Variants in SPTSSA observed in about 807,000 individuals in gnomAD.
SPTSSA encodes serine palmitoyltransferase small subunit A, also known as small subunit of serine palmitoyltransferase A.
In SPTSSA, 8 loss-of-function variants were observed where a neutral mutation model predicts 9.1. The ratio of observed to expected loss-of-function variants is 0.88; its 90% CI spans 0.51 to 1.58. The LOEUF (loss-of-function observed/expected upper bound fraction) is 1.58. SPTSSA is among the 40% of genes most tolerant of loss of function. The pLI is 0.00. For synonymous variants in SPTSSA, 42 were observed against 37.7 expected (o/e 1.11, Z -0.41); for missense variants, 100 against 93.8 (o/e 1.07, Z -0.27).
At chr14:34,452,673 G>T (rs1883550016) in intron 1 of SPTSSA, among the ~76,000 whole-genome samples, 1 of 152,116 alleles carries the variant, frequency 6.6e-6, no homozygotes, top group Non-Finnish European at 1.5e-5. Context: ...AGACACTAAG[G>T]TTATAGTGTC....
At chr14:34,437,964 CT>C (rs1256800874) in intron 1 of SPTSSA, among the ~76,000 whole-genome samples, 1 of 152,018 alleles carries the variant, frequency 6.6e-6, no homozygotes, top group Admixed American at 6.6e-5. Context: ...CCACGCCCAG[CT>C]GATTTCTTTA....
At chr14:34,460,079 AT>A (rs1403669183) in intron 1 of SPTSSA, among the ~76,000 whole-genome samples, 1 of 152,178 alleles carries the variant, frequency 6.6e-6, no homozygotes, top group Non-Finnish European at 1.5e-5. Flanking sequence ...CAGTTTTCTC[AT>A]TCAGTTCTTT....
Position 34,462,195 on chromosome 14 carries a change from C to A in SPTSSA, c.13G>T (p.Ala5Ser), listed in dbSNP as rs1444589320. Residue 5 changes from alanine (A) to serine (S), a missense_variant, in exon 1 of 2, where the codon GCG becomes TCG. Ala to Ser is a moderately conservative substitution (Grantham distance 99). Transcript: ENST00000298130. The part of the protein sequence containing the change: MAGM[A>S]LARAWKQMSW... ...ATCTGCTTCCAGGCCCGCGCCAGCGCCATCCCCGCCATGCGCCTCCCGCGA... is the reference window on the plus strand; with the variant it reads ...ATCTGCTTCCAGGCCCGCGCCAGCGACATCCCCGCCATGCGCCTCCCGCGA... 6.5e-7 allele frequency: 1 copy of A among 1,531,192 alleles called. No individual in the cohort carries two copies. The highest frequency in any genetic ancestry group is 1.9e-5 in the Admixed American group (1 of 53,088). The allele number at this position is 1,531,192 out of a possible 1,614,324, so 94.9% of individuals were successfully genotyped here. A position where few individuals can be genotyped will look rare whatever the true frequency, so the allele number is the denominator to read the frequency against.
intron 1 of SPTSSA, among the ~76,000 whole-genome samples, chr14:34,440,607 C>T (rs756844468): frequency 1.3e-5 from 2 of 152,136 alleles, no homozygotes; most frequent in East Asian, 1.9e-4. Context: ...CTTGGCTGGG[C>T]GCGGTGGCTT....
Position 34,434,968 on chromosome 14 carries a change from A to T in SPTSSA, c.*233T>A, listed in dbSNP as rs1883215505. ...AAATACTGATATCAAAGTACAAATG[A>T]CTACAATGTTAAAATAGACAAAAAC... On this transcript the variant is annotated 3_prime_UTR_variant, in exon 2 of 2. Transcript: ENST00000298130. 1 of 307,844 alleles carries T rather than the reference A, an allele frequency of 3.2e-6. No homozygotes were observed. Among genetic ancestry groups the T allele is most frequent in the African/African-American group, 2.1e-5 (1 of 46,544 alleles). The allele number at this position is 307,844 out of a possible 1,614,324, so 19.1% of individuals were successfully genotyped here.
intron 1 of SPTSSA, among the ~76,000 whole-genome samples, chr14:34,459,779 T>TCACACACACACACA (rs112310300): frequency 6.6e-6 from 1 of 151,624 alleles, no homozygotes; most frequent in African/African-American, 2.4e-5. Context: ...AAACACTGTC[T>TCACACACACACACA]CACACACACA....
chr14:34,458,628 C>G (rs575708119), intron 1 of SPTSSA, among the ~76,000 whole-genome samples: 2 of 142,028 alleles, frequency 1.4e-5, no homozygotes, highest in African/African-American at 5.3e-5. Flanking sequence ...TCCCGAGTAG[C>G]TGGGACTACA....
chr14:34,435,135 T>A lies in SPTSSA; in HGVS notation c.*66A>T, dbSNP rs1385724324. 5.6e-6 allele frequency: 7 copies of A among 1,254,708 alleles called. No homozygotes were observed. Among genetic ancestry groups the A allele is most frequent in the Non-Finnish European group, 8.1e-6 (7 of 869,428 alleles). 77.7% of individuals were successfully genotyped at this position (1,254,708 alleles called of 1,614,324 possible). ...TAGAAGAGTTTCTTATCACATCTGA[T>A]GGTCTCATTCCAACTTCGTAGGGTG... On this transcript the variant is annotated 3_prime_UTR_variant, in exon 2 of 2. Transcript: ENST00000298130.
intron 1 of SPTSSA, among the ~76,000 whole-genome samples, chr14:34,443,887 T>C (rs1349219344): frequency 6.6e-6 from 1 of 152,188 alleles, no homozygotes; most frequent in African/African-American, 2.4e-5. Context: ...TCTCTCTGCC[T>C]AATTTCTCCA....
intron 1 of SPTSSA, among the ~76,000 whole-genome samples, chr14:34,446,248 T>C (rs1048380828): frequency 1.3e-5 from 2 of 152,234 alleles, no homozygotes; most frequent in Non-Finnish European, 2.9e-5. Context: ...CTTCTGGAAC[T>C]GCATCCATTG....
At chr14:34,438,057 C>T (rs1883266027) in intron 1 of SPTSSA, among the ~76,000 whole-genome samples, 1 of 152,128 alleles carries the variant, frequency 6.6e-6, no homozygotes, top group Non-Finnish European at 1.5e-5. Context: ...CCCACCTCAG[C>T]CCCCCAAAGT....
intron 1 of SPTSSA, among the ~76,000 whole-genome samples, chr14:34,442,621 T>C (rs1281822591): frequency 6.6e-6 from 1 of 152,204 alleles, no homozygotes; most frequent in Non-Finnish European, 1.5e-5. Flanking sequence ...GGCCCCAACA[T>C]TGTTTGGAAT....
At chr14:34,462,029 G>A in intron 1 of SPTSSA, 67 bp downstream of exon 1, 1 of 1,137,602 alleles carries the variant, frequency 8.8e-7, no homozygotes, top group Non-Finnish European at 1.1e-6. Context: ...CCCGGGGCCT[G>A]GGGAAATGCG....
intron 1 of SPTSSA, among the ~76,000 whole-genome samples, chr14:34,451,586 G>A (rs1030287025): frequency 3.9e-5 from 6 of 151,960 alleles, no homozygotes; most frequent in African/African-American, 1.5e-4. Flanking sequence ...AGCCGGGCGC[G>A]GTGGCGGGCG....
chr14:34,435,002 A>AAG lies in SPTSSA; in HGVS notation c.*197_*198dup. ...TTAAAATAGACAAAAACTGCTATAC[A>AAG]AGAGCCTCTTTGAAAATTAAAAATA... is the stretch of plus-strand genomic sequence containing the variant. On this transcript the variant is annotated 3_prime_UTR_variant, in exon 2 of 2. Transcript: ENST00000298130. 2.5e-6 allele frequency: 1 copy of AAG among 403,228 alleles called. No individual in the cohort carries two copies. The highest frequency in any genetic ancestry group is 4.5e-6 in the Non-Finnish European group (1 of 223,716). 25.0% of individuals were successfully genotyped at this position (403,228 alleles called of 1,614,324 possible).
At chr14:34,455,786 C>T (rs752034969) in intron 1 of SPTSSA, among the ~76,000 whole-genome samples, 3 of 151,252 alleles carry the variant, frequency 2.0e-5, no homozygotes, top group Admixed American at 6.6e-5. Flanking sequence ...ACAAAAATTA[C>T]CTGGGCATGG....
intron 1 of SPTSSA, among the ~76,000 whole-genome samples, chr14:34,444,989 G>A (rs911281965): frequency 2.6e-5 from 4 of 151,922 alleles, no homozygotes; most frequent in Admixed American, 6.6e-5. Context: ...CTACTTGGGA[G>A]GCTGAGGCAT....
Position 34,433,397 on chromosome 14 carries a change from G to A in SPTSSA, c.*1804C>T, listed in dbSNP as rs753486744. ...CACTTGTTAGTGGTTCTCTATGGGG[G>A]ATAGTAGAGGAAAGCCAAATTTGGG... On this transcript the variant is annotated 3_prime_UTR_variant, in exon 2 of 2. Coordinates refer to ENST00000298130, the MANE Select transcript of SPTSSA (RefSeq NM_138288.4). 4 of 152,124 alleles carry A rather than the reference G, an allele frequency of 2.6e-5. No homozygotes were observed. The highest frequency in any genetic ancestry group is 7.2e-5 in the African/African-American group (3 of 41,424). 9.4% of individuals were successfully genotyped at this position (152,124 alleles called of 1,614,324 possible). A position where few individuals can be genotyped will look rare whatever the true frequency, so the allele number is the denominator to read the frequency against.
At chr14:34,457,436 A>T (rs964408358) in intron 1 of SPTSSA, among the ~76,000 whole-genome samples, 3 of 152,108 alleles carry the variant, frequency 2.0e-5, no homozygotes, top group Non-Finnish European at 4.4e-5. Context: ...GGTATGTTAA[A>T]AATGTCTCCT....
Sources: allele counts gnomAD v4.1 joint callset (sites outside exome capture counted in the v4.1 genomes callset), GRCh38; gene constraint gnomAD v4.1.1; transcripts MANE v1.5; gene names NCBI Gene and HGNC (gene_info 2026-07-23, HGNC 2026-07-21).